The following EFCAB6 variants were observed in gnomAD, a reference collection of about 807,000 sequenced individuals.
The protein encoded by EFCAB6 is EF-hand calcium-binding domain-containing protein 6.
EFCAB6 carries 156 observed loss-of-function variants against 169.8 expected under a neutral mutation model. The observed-to-expected ratio is 0.92, with a 90% confidence interval of 0.81 to 1.05. The LOEUF is 1.05. EFCAB6 is among the 50% of genes least tolerant of loss of function. The probability of loss-of-function intolerance (pLI) is 0.00; values close to 1 mark genes in which losing one functional copy is unlikely to be tolerated. For missense variants in EFCAB6, 1,800 were observed against 1,829.1 expected (o/e 0.98, Z 0.29); for synonymous variants, 698 against 676.4 (o/e 1.03, Z -0.50).
At chr22:43,748,545 C>T (rs2060645067) in intron 6 of EFCAB6, among the ~76,000 whole-genome samples, 1 of 152,180 alleles carries the variant, frequency 6.6e-6, no homozygotes, top group African/African-American at 2.4e-5. Flanking sequence ...ATATCACCTT[C>T]CTCATCCAAT....
At chr22:43,580,741 T>C (rs543499237) in intron 24 of EFCAB6, 82 bp from the exon 25 acceptor site, 2 of 1,434,788 alleles carry the variant, frequency 1.4e-6, no homozygotes, top group Admixed American at 2.0e-5. Context: ...GCTGAGCACA[T>C]TGGGCAATGT....
At chr22:43,699,183 T>C (rs925981394) in intron 10 of EFCAB6, among the ~76,000 whole-genome samples, 2 of 152,166 alleles carry the variant, frequency 1.3e-5, no homozygotes, top group Admixed American at 6.5e-5. Flanking sequence ...TTGCTTTAAC[T>C]GGACTCTCAT....
chr22:43,699,340 C>A (rs1294502810), intron 10 of EFCAB6, among the ~76,000 whole-genome samples: 3 of 152,170 alleles, frequency 2.0e-5, no homozygotes, highest in African/African-American at 7.2e-5. Flanking sequence ...CTCCCTAAGA[C>A]CTCATCCCCT....
At chr22:43,732,075 A>C (rs952215861) in intron 7 of EFCAB6, among the ~76,000 whole-genome samples, 4 of 152,190 alleles carry the variant, frequency 2.6e-5, no homozygotes, top group African/African-American at 9.7e-5. Flanking sequence ...GTTGAAGAAT[A>C]CCCCAACCTA....
intron 19 of EFCAB6, among the ~76,000 whole-genome samples, chr22:43,629,739 G>T (rs1024326047): frequency 2.6e-5 from 4 of 152,092 alleles, no homozygotes; most frequent in Non-Finnish European, 5.9e-5. Flanking sequence ...CAAAGGGGAG[G>T]CGCCATCCAA....
At chr22:43,784,560 CATATATATGTGTACATATACACAT>C (rs2061962486) in intron 2 of EFCAB6, among the ~76,000 whole-genome samples, 1 of 82,288 alleles carries the variant, frequency 1.2e-5, no homozygotes, top group Non-Finnish European at 2.2e-5. Flanking sequence ...TATATATACA[CATATATATGTGTACATATACACAT>C]ATATATGTAT....
In EFCAB6 at chr22:43,596,172, A is replaced by G. The variant is rs150190120; in HGVS notation, c.2876+3897T>C. ...CCAGGGAAAAGTTGAAAGTCTTTAC[A>G]CTAAGATCTGGAATAAGACAGGATG... On this transcript the variant is annotated intron_variant, in intron 23 of 31. Transcript: ENST00000262726. Among the ~76,000 whole-genome samples, 530 of 152,168 alleles carry G rather than the reference A, an allele frequency of 3.5e-3. 2 individuals carry two copies. Among genetic ancestry groups the G allele is most frequent in the African/African-American group, 0.012 (509 of 41,556 alleles).
intron 10 of EFCAB6, among the ~76,000 whole-genome samples, chr22:43,697,834 G>A (rs983605160): frequency 6.6e-6 from 1 of 152,138 alleles, no homozygotes; most frequent in Non-Finnish European, 1.5e-5. Context: ...AGAGAGGGCA[G>A]AAGAAACATA....
At chr22:43,531,041 C>A (rs1569107953) in intron 30 of EFCAB6, 77 bp from the exon 31 acceptor site, 5 of 1,582,784 alleles carry the variant, frequency 3.2e-6, no homozygotes, top group Non-Finnish European at 3.4e-6. Flanking sequence ...TCGCCTCGCC[C>A]CCGCCTCGCC....
At chr22:43,734,420 T>TA (rs1182870294) in intron 7 of EFCAB6, among the ~76,000 whole-genome samples, 3 of 152,292 alleles carry the variant, frequency 2.0e-5, no homozygotes, top group Non-Finnish European at 2.9e-5. Context: ...TTTTGAGGCT[T>TA]AAAAAATCTC....
At chr22:43,618,377 A>T (rs933475720) in intron 20 of EFCAB6, among the ~76,000 whole-genome samples, 1 of 151,868 alleles carries the variant, frequency 6.6e-6, no homozygotes, top group African/African-American at 2.4e-5. Flanking sequence ...CAGGGAACAC[A>T]CTCCAGGCAG....
chr22:43,720,382 T>C (rs2059479740), intron 8 of EFCAB6, among the ~76,000 whole-genome samples: 1 of 150,654 alleles, frequency 6.6e-6, no homozygotes, highest in African/African-American at 2.4e-5. Context: ...CACAGTAGCA[T>C]GTACCTGTGG....
intron 11 of EFCAB6, among the ~76,000 whole-genome samples, chr22:43,686,319 T>C (rs2058193750): frequency 6.6e-6 from 1 of 152,160 alleles, no homozygotes; most frequent in Non-Finnish European, 1.5e-5. Flanking sequence ...TATATTTTCA[T>C]GATTTTGATC....
intron 20 of EFCAB6, among the ~76,000 whole-genome samples, chr22:43,618,549 G>A (rs775433366): frequency 2.0e-5 from 3 of 152,272 alleles, no homozygotes; most frequent in Non-Finnish European, 2.9e-5. Context: ...ATCAAAATTC[G>A]AAGAATGACA....
At chr22:43,783,897 C>CA (rs984087200) in intron 2 of EFCAB6, among the ~76,000 whole-genome samples, 2 of 151,290 alleles carry the variant, frequency 1.3e-5, no homozygotes, top group South Asian at 2.1e-4. Flanking sequence ...TCTGTCTCTA[C>CA]AAAAAAAATA....
chr22:43,625,736 T>C (rs1191984782), intron 20 of EFCAB6, among the ~76,000 whole-genome samples: 1 of 152,234 alleles, frequency 6.6e-6, no homozygotes, highest in East Asian at 1.9e-4. Context: ...AGCTTCTCAG[T>C]GCCCATCAAT....
chr22:43,667,246 G>T lies in EFCAB6; in HGVS notation c.1841C>A (p.Thr614Asn). ...TTCTGTGGTCATCTTCTTGGTCAGG[G>T]TGGTTTTATCCTCCGTGAGCTTGGT... ...ERTKLTEDKT[T>N]LTKKMTTEEV... The change falls in exon 17 of 32, where the codon ACC (threonine) becomes AAC (asparagine). Residue 614 changes from threonine (T) to asparagine (N), a missense_variant. By Grantham distance (65) the Thr-to-Asn change is moderately conservative. Coordinates refer to ENST00000262726, the MANE Select transcript of EFCAB6 (RefSeq NM_022785.4). 1 of 1,613,998 alleles carries T rather than the reference G, an allele frequency of 6.2e-7. No homozygotes were observed. Among genetic ancestry groups the T allele is most frequent in the South Asian group, 1.1e-5 (1 of 91,038 alleles).
chr22:43,679,551 C>T (rs1017457783), intron 12 of EFCAB6, among the ~76,000 whole-genome samples: 2 of 152,138 alleles, frequency 1.3e-5, no homozygotes, highest in African/African-American at 2.4e-5. Context: ...TTTATAGAAA[C>T]GGCCATGCTG....
chr22:43,621,889 T>G (rs1047132364), intron 20 of EFCAB6, among the ~76,000 whole-genome samples: 6 of 152,252 alleles, frequency 3.9e-5, no homozygotes, highest in Admixed American at 6.5e-5. Flanking sequence ...TTTAAAAAAA[T>G]TAAAAGAACA....
Sources: gnomAD v4.1 joint callset for allele counts (sites outside exome capture counted in the v4.1 genomes callset) on GRCh38, gnomAD v4.1.1 for gene constraint, MANE v1.5 for transcripts, NCBI Gene and HGNC (gene_info 2026-07-23, HGNC 2026-07-21) for gene names.